The following DDX17 variants were observed in gnomAD, a reference collection of about 807,000 sequenced individuals.
DDX17 encodes DEAD-box helicase 17, also known as probable ATP-dependent RNA helicase DDX17.
In DDX17, 10 loss-of-function variants were observed where a neutral mutation model predicts 80.8. That is an observed-to-expected ratio of 0.12 (90% CI 0.08 to 0.21). The LOEUF (loss-of-function observed/expected upper bound fraction) is 0.21. DDX17 is among the 10% of genes least tolerant of loss of function. The pLI is 1.00. For missense variants in DDX17, 586 were observed against 957.4 expected (o/e 0.61, Z 5.12); for synonymous variants, 339 against 336.2 (o/e 1.01, Z -0.09).
intron 11 of DDX17, chr22:38,488,350 C>T (rs1043159961): frequency 2.9e-6 from 4 of 1,392,086 alleles, no homozygotes; most frequent in Non-Finnish European, 3.7e-6. Flanking sequence ...CTGTAGAATC[C>T]TAAGGGAATC....
chr22:38,494,484 G>C, intron 8 of DDX17, 146 bp downstream of exon 8: 1 of 739,376 alleles, frequency 1.4e-6, no homozygotes. Context: ...TCTGACAAAT[G>C]ATATGATGAT....
chr22:38,501,326 C>T (rs769530483), intron 1 of DDX17, 46 bp from the exon 2 acceptor site: 10 of 1,582,396 alleles, frequency 6.3e-6, no homozygotes, highest in South Asian at 2.3e-5. Flanking sequence ...TTTAAAGCAA[C>T]GTATCGTACA....
At position 38,499,452 on chromosome 22, in the gene DDX17, C is replaced by A. The variant is rs752513018; in HGVS notation, c.486G>T (p.Gly162=). 6 of 1,614,134 alleles carry A rather than the reference C, an allele frequency of 3.7e-6. No homozygotes were observed. The South Asian group carries it at 6.6e-5, about 18-fold the overall frequency. Residue 162 remains glycine (G), a synonymous_variant, in exon 3 of 13, where the codon GGG becomes GGT. Coordinates refer to ENST00000403230, the MANE Select transcript of DDX17 (RefSeq NM_006386.5). ...ACACGGGTTTAGGACAAACATCTCC[C>A]CCCCTCACTGTAATCTCCTTCTTTC...
rs1177926595 is a variant in DDX17, at chr22:38,499,389, A to G, written c.538+11T>C. On this transcript the variant is annotated intron_variant, in intron 3 of 12. Transcript: ENST00000403230. The stretch of plus-strand genomic sequence containing the variant: ...TTAACAAATTAAGGTTCTAGATTGA[A>G]GAACACTTACGTGGGAAGTTAGCAT... 6 of 1,605,972 alleles carry G rather than the reference A, an allele frequency of 3.7e-6. No homozygotes were observed. The highest frequency in any genetic ancestry group is 1.7e-5 in the Admixed American group (1 of 60,024).
rs750251986 is a variant in DDX17 at position 38,486,320 on chromosome 22, T to C, written c.1805A>G (p.Tyr602Cys). The C allele has an allele frequency of 3.0e-5, 49 of 1,614,064 alleles. No homozygotes were observed. The highest frequency in any genetic ancestry group is 3.2e-5 in the Non-Finnish European group (38 of 1,180,038). ...TCTATCGGTTTCACTACGATCCCGATAGCTTGCAGAGTCTCTCCGGCCACC... is the reference window on the plus strand; with the variant it reads ...TCTATCGGTTTCACTACGATCCCGACAGCTTGCAGAGTCTCTCCGGCCACC... The change falls in exon 13 of 13, where the codon TAT (tyrosine) becomes TGT (cysteine). Residue 602 changes from tyrosine to cysteine, a missense_variant. Coordinates refer to ENST00000403230, the MANE Select transcript of DDX17 (RefSeq NM_006386.5).
Position 38,485,810 on chromosome 22 carries a change from GAAAAAT to G in DDX17, c.*119_*124del. Reference sequence around the variant, plus strand: ...AAAGACAAATCACGATGGTTGGGGGGAAAAATTAAAAAAAAAAAAAGAAAAAAGGAA... The same window carrying G: ...AAAGACAAATCACGATGGTTGGGGGGTAAAAAAAAAAAAAGAAAAAAGGAA... On this transcript the variant is annotated 3_prime_UTR_variant, in exon 13 of 13. Transcript: ENST00000403230. 8.4e-7 allele frequency: 1 copy of G among 1,190,162 alleles called. No homozygotes were observed. 73.7% of individuals were successfully genotyped at this position (1,190,162 alleles called of 1,614,324 possible).
At chr22:38,505,824 C>G in intron 1 of DDX17, 127 bp downstream of exon 1, 1 of 1,241,492 alleles carries the variant, frequency 8.1e-7, no homozygotes, top group Middle Eastern at 2.8e-4. Context: ...GCTGTCTCGC[C>G]TCGAGTCGCC....
rs754838109 is a variant in DDX17, at chr22:38,498,411, A to C, written c.672+29T>G. 3.1e-6 allele frequency: 5 copies of C among 1,612,782 alleles called. No individual in the cohort carries two copies. The East Asian group carries it at 1.1e-4, about 36-fold the overall frequency. ...GAATAGCAAAATAAGTTACCACAAT[A>C]TCAAGGATCTTCTCTTGCTCATACA... On this transcript the variant is annotated intron_variant, in intron 4 of 12. Transcript: ENST00000403230.
chr22:38,504,961 T>C (rs1401131081), intron 1 of DDX17, among the ~76,000 whole-genome samples: 1 of 151,896 alleles, frequency 6.6e-6, no homozygotes, highest in East Asian at 1.9e-4. Context: ...CGGGCTGGAG[T>C]GCAATGGCGC....
chr22:38,505,862 G>A lies in DDX17; in HGVS notation c.287+89C>T. 2.7e-6 allele frequency: 4 copies of A among 1,460,170 alleles called. No homozygotes were observed. In the South Asian group the frequency reaches 4.0e-5, roughly 14 times the overall value. 90.5% of individuals were successfully genotyped at this position (1,460,170 alleles called of 1,614,324 possible). A position where few individuals can be genotyped will look rare whatever the true frequency, so the allele number is the denominator to read the frequency against. On this transcript the variant is annotated intron_variant, in intron 1 of 12. Transcript: ENST00000403230. ...CCCTCGCCTCCCGGGTCGAGAGCAA[G>A]GCTCCCAGGCTCGCAGTCCGCCGGG...
At chr22:38,492,024 T>C (rs748047280) in intron 11 of DDX17, 32 bp downstream of exon 11, 14 of 1,512,522 alleles carry the variant, frequency 9.3e-6, no homozygotes, top group Admixed American at 3.9e-5. Context: ...AAGATACATA[T>C]ACCATTGACA....
At chr22:38,504,906 T>TG (rs1407764308) in intron 1 of DDX17, among the ~76,000 whole-genome samples, 1 of 137,664 alleles carries the variant, frequency 7.3e-6, no homozygotes, top group Non-Finnish European at 1.6e-5. Flanking sequence ...CGTAACTCTT[T>TG]GGGGAAGCGG....
At chr22:38,505,690 G>A (rs1333296792) in intron 1 of DDX17, 1 of 442,188 alleles carries the variant, frequency 2.3e-6, no homozygotes. Context: ...CCGATCCCCC[G>A]CGGGGCTGGG....
chr22:38,497,211 G>A (rs1233022817), intron 5 of DDX17, among the ~76,000 whole-genome samples: 7 of 134,886 alleles, frequency 5.2e-5, no homozygotes, highest in Admixed American at 3.5e-4. Flanking sequence ...CAGGAGAATC[G>A]CTTGAAGCCA....
At chr22:38,492,632 A>G (rs1291780893) in intron 10 of DDX17, among the ~76,000 whole-genome samples, 1 of 152,130 alleles carries the variant, frequency 6.6e-6, no homozygotes, top group East Asian at 1.9e-4. Context: ...GATTACAGGC[A>G]TATGCCACCA....
At chr22:38,505,461 C>A (rs1039153150) in intron 1 of DDX17, 3 of 156,408 alleles carry the variant, frequency 1.9e-5, no homozygotes, top group African/African-American at 7.2e-5. Context: ...GTCTCCCGTG[C>A]CTTAAACAGT....
intron 5 of DDX17, among the ~76,000 whole-genome samples, chr22:38,496,205 T>A (rs139010457): frequency 3.4e-4 from 52 of 152,292 alleles, no homozygotes; most frequent in South Asian, 1.0e-3. Context: ...ATAGTTTATA[T>A]ATACTGTTTA....
rs562821825 is a variant in DDX17 at position 38,503,668 on chromosome 22, C to T, written c.287+2283G>A. ...ACTATGCTGCTCAAATGTTTTTATC[C>T]GGTCAGTAATTAGTTTAATTTGGCT... On this transcript the variant is annotated intron_variant, in intron 1 of 12. Transcript: ENST00000403230. Among the ~76,000 whole-genome samples the T allele has an allele frequency of 6.6e-5, 10 of 152,268 alleles. No individual in the cohort carries two copies. The East Asian group carries it at 9.6e-4, about 15-fold the overall frequency.
chr22:38,499,614 T>G (rs1005215686), intron 2 of DDX17, 115 bp from the exon 3 acceptor site: 1 of 780,462 alleles, frequency 1.3e-6, no homozygotes. Context: ...AAATATTTAA[T>G]AGTTTACATG....
Sources: gnomAD v4.1 joint callset for allele counts (sites outside exome capture counted in the v4.1 genomes callset) on GRCh38, gnomAD v4.1.1 for gene constraint, MANE v1.5 for transcripts, NCBI Gene and HGNC (gene_info 2026-07-23, HGNC 2026-07-21) for gene names.